The following CDH12 variants were observed in gnomAD, a reference collection of about 807,000 sequenced individuals.
The protein encoded by CDH12 is cadherin-12.
CDH12 carries 41 observed loss-of-function variants against 74.1 expected under a neutral mutation model. That is an observed-to-expected ratio of 0.55 (90% CI 0.43 to 0.72). The LOEUF is 0.72. CDH12 is among the 30% of genes least tolerant of loss of function. The pLI is 0.00. For missense variants in CDH12, 945 were observed against 977.2 expected (o/e 0.97, Z 0.44); for synonymous variants, 399 against 355.0 (o/e 1.12, Z -1.39).
At chr5:22,263,229 A>G (rs1258714277) in intron 3 of CDH12, among the ~76,000 whole-genome samples, 1 of 152,158 alleles carries the variant, frequency 6.6e-6, no homozygotes, top group African/African-American at 2.4e-5. Context: ...GGAAAGAAAA[A>G]GCTTGAGTGT....
At chr5:22,715,082 A>G (rs933698548) in intron 1 of CDH12, among the ~76,000 whole-genome samples, 1 of 152,192 alleles carries the variant, frequency 6.6e-6, no homozygotes, top group Non-Finnish European at 1.5e-5. Context: ...CATCCTGCAC[A>G]TCTGTCATCT....
At chr5:22,096,060 C>G (rs1743763084) in intron 4 of CDH12, among the ~76,000 whole-genome samples, 1 of 151,756 alleles carries the variant, frequency 6.6e-6, no homozygotes, top group Admixed American at 6.6e-5. Context: ...GTGTCTCTAC[C>G]CTGCTCTTTA....
At chr5:22,826,266 C>T (rs191228888) in intron 1 of CDH12, among the ~76,000 whole-genome samples, 2 of 152,262 alleles carry the variant, frequency 1.3e-5, no homozygotes, top group East Asian at 3.9e-4. Context: ...TCTTTGCCTG[C>T]TGCCATTCAT....
At chr5:22,410,986 T>C (rs1339543305) in intron 2 of CDH12, among the ~76,000 whole-genome samples, 1 of 151,864 alleles carries the variant, frequency 6.6e-6, no homozygotes, top group African/African-American at 2.4e-5. Context: ...GTCTAGGATA[T>C]GGAAAAGATG....
At chr5:21,862,831 G>A (rs1751115310) in intron 6 of CDH12, among the ~76,000 whole-genome samples, 1 of 151,990 alleles carries the variant, frequency 6.6e-6, no homozygotes, top group African/African-American at 2.4e-5. Flanking sequence ...TCTAGTAATT[G>A]CATGTGCTCT....
At chr5:22,698,071 A>G (rs1198620898) in intron 1 of CDH12, among the ~76,000 whole-genome samples, 4 of 149,444 alleles carry the variant, frequency 2.7e-5, no homozygotes, top group African/African-American at 9.9e-5. Flanking sequence ...TTTATATTTT[A>G]GAGACTATTC....
chr5:21,869,001 G>A (rs1189887740), intron 6 of CDH12, among the ~76,000 whole-genome samples: 1 of 152,142 alleles, frequency 6.6e-6, no homozygotes, highest in Non-Finnish European at 1.5e-5. Flanking sequence ...TGGCCTGCAG[G>A]TCTTAGTTCC....
At chr5:22,437,017 C>A (rs1355889270) in intron 2 of CDH12, among the ~76,000 whole-genome samples, 1 of 151,806 alleles carries the variant, frequency 6.6e-6, no homozygotes, top group East Asian at 1.9e-4. Context: ...ATTAACATGC[C>A]TTTTATACCT....
chr5:22,512,506 G>A (rs1736654590), intron 1 of CDH12, among the ~76,000 whole-genome samples: 1 of 152,152 alleles, frequency 6.6e-6, no homozygotes, highest in Non-Finnish European at 1.5e-5. Flanking sequence ...AGTACAGTCT[G>A]CAAGAGCACA....
chr5:22,666,448 C>T (rs941999292), intron 1 of CDH12, among the ~76,000 whole-genome samples: 4 of 151,912 alleles, frequency 2.6e-5, no homozygotes, highest in South Asian at 2.1e-4. Flanking sequence ...CGCCACTACG[C>T]CCGGCTAATT....
chr5:22,543,982 T>C (rs558815672), intron 1 of CDH12, among the ~76,000 whole-genome samples: 8 of 152,204 alleles, frequency 5.3e-5, no homozygotes, highest in Admixed American at 4.6e-4. Context: ...AGCCTATCCC[T>C]ACCTCCTCTT....
Position 21,780,228 on chromosome 5 carries a change from GC to G in CDH12, c.1393+3129del, listed in dbSNP as rs1745827764. Among the ~76,000 whole-genome samples, 14 of 152,292 alleles carry G rather than the reference GC, an allele frequency of 9.2e-5. No homozygotes were observed. The South Asian group carries it at 2.9e-3, about 32-fold the overall frequency. ...AGCCAGCAGCTGGTAGTGTGACAGAGCCCGCATATGCACCAATCATATTAAT... is the reference window on the plus strand; with the variant it reads ...AGCCAGCAGCTGGTAGTGTGACAGAGCCGCATATGCACCAATCATATTAAT... On this transcript the variant is annotated intron_variant, in intron 11 of 14. Transcript: ENST00000382254.
chr5:21,802,593 CTTTTTT>C (rs35742047), intron 9 of CDH12, among the ~76,000 whole-genome samples, 173 bp from the exon 10 acceptor site: 2 of 120,194 alleles, frequency 1.7e-5, no homozygotes, highest in Non-Finnish European at 3.3e-5. Context: ...ATTTTTTTTT[CTTTTTT>C]TTTTTTTTTT....
intron 4 of CDH12, among the ~76,000 whole-genome samples, chr5:22,172,122 A>G (rs1749067177): frequency 2.0e-5 from 3 of 151,978 alleles, no homozygotes; most frequent in Non-Finnish European, 4.4e-5. Flanking sequence ...TCTGGGAAAA[A>G]GAACAAATAT....
rs537567793 is a variant in CDH12 at position 21,826,698 on chromosome 5, C to T, written c.815-9566G>A. Among the ~76,000 whole-genome samples, 15 of 152,078 alleles carry T rather than the reference C, an allele frequency of 9.9e-5. No individual in the cohort carries two copies. The South Asian group carries it at 1.0e-3, about 11-fold the overall frequency. ...TCCATGTGTGTCAACATGAAGGAAA[C>T]GAATAAATTTTTAAATAGAAATTAT... is the stretch of plus-strand genomic sequence containing the variant. On this transcript the variant is annotated intron_variant, in intron 8 of 14. Transcript: ENST00000382254.
At chr5:22,625,426 C>T (rs1409297796) in intron 1 of CDH12, among the ~76,000 whole-genome samples, 3 of 152,286 alleles carry the variant, frequency 2.0e-5, no homozygotes, top group East Asian at 1.9e-4. Flanking sequence ...GCACAACCCA[C>T]GATCCCATGG....
intron 6 of CDH12, among the ~76,000 whole-genome samples, chr5:21,952,668 T>C (rs1755917124): frequency 6.6e-6 from 1 of 152,198 alleles, no homozygotes; most frequent in Admixed American, 6.5e-5. Context: ...GGATAGACAC[T>C]ATACTTTCTG....
chr5:22,308,101 T>G (rs186125624), intron 3 of CDH12, among the ~76,000 whole-genome samples: 2 of 151,848 alleles, frequency 1.3e-5, no homozygotes, highest in Non-Finnish European at 2.9e-5. Context: ...AGGATGGTCT[T>G]GATCTCCTGA....
intron 1 of CDH12, among the ~76,000 whole-genome samples, chr5:22,671,769 C>A (rs2126914578): frequency 6.6e-6 from 1 of 151,756 alleles, no homozygotes; most frequent in South Asian, 2.1e-4. Context: ...CAACTGTGAA[C>A]AAAGGGAACA....
Sources: allele counts gnomAD v4.1 joint callset (sites outside exome capture counted in the v4.1 genomes callset), GRCh38; gene constraint gnomAD v4.1.1; transcripts MANE v1.5; gene names NCBI Gene and HGNC (gene_info 2026-07-23, HGNC 2026-07-21).